The following SLC35F1 variants were observed in gnomAD, a reference collection of about 807,000 sequenced individuals.
SLC35F1 encodes the protein chromosome 6 open reading frame 169.
SLC35F1 carries 14 observed loss-of-function variants against 48.7 expected under a neutral mutation model. The ratio of observed to expected loss-of-function variants is 0.29; its 90% CI spans 0.19 to 0.45. The LOEUF is 0.45. Among genes scored for constraint, SLC35F1 ranks in the 20% least tolerant of loss-of-function variants. The pLI is 1.00. For synonymous variants in SLC35F1, 190 were observed against 202.2 expected (o/e 0.94, Z 0.51); for missense variants, 404 against 500.0 (o/e 0.81, Z 1.83).
intron 1 of SLC35F1, among the ~76,000 whole-genome samples, chr6:117,940,930 T>C (rs1375276149): frequency 6.6e-6 from 1 of 152,188 alleles, no homozygotes; most frequent in African/African-American, 2.4e-5. Context: ...ATTACAGGTA[T>C]GAGCTACCAT....
intron 1 of SLC35F1, among the ~76,000 whole-genome samples, chr6:117,963,394 G>A (rs1291443146): frequency 1.3e-5 from 2 of 151,156 alleles, no homozygotes; most frequent in East Asian, 3.9e-4. Context: ...CTTTGTGCCA[G>A]CGATTCTAAC....
intron 1 of SLC35F1, among the ~76,000 whole-genome samples, chr6:117,957,224 T>C (rs1776438586): frequency 6.6e-6 from 1 of 152,198 alleles, no homozygotes; most frequent in South Asian, 2.1e-4. Flanking sequence ...AATATTTTAA[T>C]ATTTATTGAT....
rs1255140073 is a variant in SLC35F1, at chr6:118,237,246, A to T, written c.477+1610A>T. Among the ~76,000 whole-genome samples the T allele has an allele frequency of 2.0e-5, 3 of 152,038 alleles. No individual in the cohort carries two copies. In the East Asian group the frequency reaches 5.8e-4, roughly 29 times the overall value. On this transcript the variant is annotated intron_variant, in intron 3 of 7. Transcript: ENST00000360388. The stretch of plus-strand genomic sequence containing the variant: ...TTTAGACATAAACACACCAATTATA[A>T]ATATGATTAAGCCATCACCTAGGAC...
intron 1 of SLC35F1, chr6:117,999,347 G>A (rs933054944): frequency 6.9e-6 from 11 of 1,593,284 alleles, no homozygotes; most frequent in Non-Finnish European, 9.3e-6. Flanking sequence ...AAAGGCCAAG[G>A]CCAAGGCCAA....
intron 1 of SLC35F1, among the ~76,000 whole-genome samples, chr6:117,931,630 C>A (rs1330407879): frequency 6.6e-6 from 1 of 152,050 alleles, no homozygotes; most frequent in Non-Finnish European, 1.5e-5. Context: ...TTTTTAACTG[C>A]AGGTAGATCT....
At chr6:118,023,665 A>G (rs1409502782) in intron 1 of SLC35F1, among the ~76,000 whole-genome samples, 1 of 152,156 alleles carries the variant, frequency 6.6e-6, no homozygotes, top group Admixed American at 6.5e-5. Flanking sequence ...CTCAAGTCCT[A>G]TATCACAGTG....
chr6:118,076,264 T>C (rs945599064), intron 1 of SLC35F1, among the ~76,000 whole-genome samples: 2 of 152,246 alleles, frequency 1.3e-5, no homozygotes, highest in Non-Finnish European at 2.9e-5. Context: ...AAATACTTAA[T>C]TTATTAAGAA....
chr6:117,999,348 C>A, intron 1 of SLC35F1: 2 of 1,593,302 alleles, frequency 1.3e-6, no homozygotes, highest in Non-Finnish European at 1.7e-6. Flanking sequence ...AAGGCCAAGG[C>A]CAAGGCCAAG....
intron 1 of SLC35F1, among the ~76,000 whole-genome samples, chr6:118,072,456 C>G (rs746844364): frequency 1.3e-5 from 2 of 151,900 alleles, no homozygotes; most frequent in Non-Finnish European, 2.9e-5. Flanking sequence ...CCCAGCTACT[C>G]GGGAGGCTGG....
At chr6:118,244,217 A>T (rs1396518132) in intron 3 of SLC35F1, among the ~76,000 whole-genome samples, 1 of 152,222 alleles carries the variant, frequency 6.6e-6, no homozygotes, top group African/African-American at 2.4e-5. Context: ...ATGACTGCCT[A>T]CCACAGAAGG....
intron 7 of SLC35F1, among the ~76,000 whole-genome samples, chr6:118,309,501 C>T (rs1776350097): frequency 6.6e-6 from 1 of 152,134 alleles, no homozygotes; most frequent in Non-Finnish European, 1.5e-5. Context: ...CACTTTGTGC[C>T]TCTCTAGGGA....
At chr6:118,221,590 A>G (rs879875932) in intron 2 of SLC35F1, among the ~76,000 whole-genome samples, 1 of 152,234 alleles carries the variant, frequency 6.6e-6, no homozygotes, top group Non-Finnish European at 1.5e-5. Flanking sequence ...AGCCAATGCT[A>G]CTTCATAGCT....
intron 1 of SLC35F1, among the ~76,000 whole-genome samples, chr6:118,074,110 A>C (rs1354395208): frequency 3.3e-5 from 5 of 152,218 alleles, no homozygotes; most frequent in Non-Finnish European, 7.3e-5. Flanking sequence ...GTGGGGAAGA[A>C]ACATTGCATT....
intron 2 of SLC35F1, among the ~76,000 whole-genome samples, chr6:118,201,281 T>G (rs1246883720): frequency 2.0e-5 from 3 of 152,090 alleles, no homozygotes; most frequent in Non-Finnish European, 4.4e-5. Flanking sequence ...AGCCACCCAA[T>G]TGTAAGGGGG....
At chr6:118,279,047 C>T (rs1222551454) in intron 6 of SLC35F1, among the ~76,000 whole-genome samples, 2 of 152,156 alleles carry the variant, frequency 1.3e-5, no homozygotes, top group Non-Finnish European at 2.9e-5. Context: ...CAGAGCCATC[C>T]ATTTAATTTC....
chr6:117,908,834 G>T (rs973045080), intron 1 of SLC35F1, among the ~76,000 whole-genome samples: 1 of 152,140 alleles, frequency 6.6e-6, no homozygotes, highest in Non-Finnish European at 1.5e-5. Context: ...GGTGCCTTTC[G>T]ATGCATCTGT....
At chr6:118,079,973 C>A (rs1035988924) in intron 1 of SLC35F1, among the ~76,000 whole-genome samples, 2 of 152,146 alleles carry the variant, frequency 1.3e-5, no homozygotes, top group African/African-American at 4.8e-5. Flanking sequence ...GTCCATATCT[C>A]CAAACTTTGC....
chr6:118,004,836 A>G (rs1333806395), intron 1 of SLC35F1, among the ~76,000 whole-genome samples: 1 of 151,954 alleles, frequency 6.6e-6, no homozygotes, highest in Non-Finnish European at 1.5e-5. Context: ...AGGCAAGCCA[A>G]TATCGTACCT....
intron 1 of SLC35F1, among the ~76,000 whole-genome samples, chr6:118,029,442 T>C (rs1772007781): frequency 6.6e-6 from 1 of 152,208 alleles, no homozygotes; most frequent in Admixed American, 6.5e-5. Flanking sequence ...TGTTCTATTT[T>C]ATTATAAGTT....
Sources: allele counts gnomAD v4.1 joint callset (sites outside exome capture counted in the v4.1 genomes callset), GRCh38; gene constraint gnomAD v4.1.1; transcripts MANE v1.5; gene names NCBI Gene and HGNC (gene_info 2026-07-23, HGNC 2026-07-21).